The following DLGAP2 variants were observed in gnomAD, a reference collection of about 807,000 sequenced individuals.
DLGAP2 encodes disks large-associated protein 2.
A neutral mutation model predicts 100.3 loss-of-function variants in DLGAP2; 26 were observed. That is an observed-to-expected ratio of 0.26 (90% CI 0.19 to 0.36). The LOEUF is 0.36. DLGAP2 is among the 10% of genes least tolerant of loss of function. The pLI is 1.00. For missense variants in DLGAP2, 1,858 were observed against 1,453.2 expected (o/e 1.28, Z -4.53); for synonymous variants, 886 against 630.1 (o/e 1.41, Z -6.08).
intron 3 of DLGAP2, among the ~76,000 whole-genome samples, chr8:1,338,809 G>A (rs1801348641): frequency 6.6e-6 from 1 of 151,336 alleles, no homozygotes; most frequent in South Asian, 2.1e-4. Flanking sequence ...ACCTGGGAGA[G>A]AATGCAGTGA....
At chr8:1,241,559 T>G (rs1798797190) in intron 2 of DLGAP2, among the ~76,000 whole-genome samples, 1 of 152,252 alleles carries the variant, frequency 6.6e-6, no homozygotes. Flanking sequence ...ATGGGGGCCT[T>G]TGATCCAGTT....
At chr8:1,434,167 C>T (rs906814439) in intron 3 of DLGAP2, among the ~76,000 whole-genome samples, 1 of 152,126 alleles carries the variant, frequency 6.6e-6, no homozygotes, top group Non-Finnish European at 1.5e-5. Flanking sequence ...ATATGACCGT[C>T]AGCAGCTCAG....
In DLGAP2 at chr8:1,180,810, C is replaced by A. The variant is rs182758559; in HGVS notation, c.74-78041C>A. On this transcript the variant is annotated intron_variant, in intron 2 of 14. Coordinates refer to ENST00000637795, the MANE Select transcript of DLGAP2 (RefSeq NM_001346810.2). ...TGGGTGTGCAAGGGCAGTACACTTA[C>A]CGTTGAGTGTGTGTGGTGCACGTCC... is the stretch of plus-strand genomic sequence containing the variant. Among the ~76,000 whole-genome samples, 143 of 151,612 alleles carry A rather than the reference C, an allele frequency of 9.4e-4. 1 individual carries two copies. In the Middle Eastern group the frequency reaches 0.021, roughly 22 times the overall value.
rs149896316 is a variant in DLGAP2 at position 1,051,149 on chromosome 8, C to G, written c.73+143183C>G. On this transcript the variant is annotated intron_variant, in intron 2 of 14. Transcript: ENST00000637795. ...TGATGGCCCTGGATGGGACAGGGCA[C>G]AAGGGGAGCAGCTTCTTCCTGGGCA... Among the ~76,000 whole-genome samples the G allele has an allele frequency of 6.7e-3, 1,017 of 151,924 alleles. 11 individuals carry two copies. The highest frequency in any genetic ancestry group is 9.6e-3 in the Non-Finnish European group (654 of 67,962).
chr8:780,527 G>T (rs914058839), intron 1 of DLGAP2, among the ~76,000 whole-genome samples: 3 of 152,134 alleles, frequency 2.0e-5, no homozygotes, highest in Non-Finnish European at 4.4e-5. Flanking sequence ...CTCTACTTTG[G>T]TTTTTCAGGG....
intron 2 of DLGAP2, among the ~76,000 whole-genome samples, chr8:1,132,273 A>G (rs949197606): frequency 1.3e-5 from 2 of 152,314 alleles, no homozygotes; most frequent in African/African-American, 4.8e-5. Flanking sequence ...TTTTATTGCA[A>G]AATCTCTTCT....
intron 4 of DLGAP2, among the ~76,000 whole-genome samples, chr8:1,511,279 T>TAGATGACCA (rs1221728070): frequency 6.6e-6 from 1 of 151,274 alleles, no homozygotes; most frequent in East Asian, 2.0e-4. Flanking sequence ...GGACAATCAG[T>TAGATGACCA]AGATGACCAT....
intron 1 of DLGAP2, among the ~76,000 whole-genome samples, chr8:825,666 A>G (rs193291741): frequency 6.6e-6 from 1 of 152,074 alleles, no homozygotes; most frequent in South Asian, 2.1e-4. Context: ...TCAATGAACC[A>G]GATTTTGGTC....
intron 2 of DLGAP2, among the ~76,000 whole-genome samples, chr8:1,188,332 C>T (rs1264939125): frequency 3.0e-5 from 4 of 135,262 alleles, no homozygotes; most frequent in African/African-American, 9.1e-5. Context: ...GTTTCCCTCA[C>T]GGAATCTCAC....
chr8:1,156,232 G>C (rs898346565), intron 2 of DLGAP2, among the ~76,000 whole-genome samples: 1 of 152,142 alleles, frequency 6.6e-6, no homozygotes, highest in Admixed American at 6.5e-5. Context: ...CAATGAACCT[G>C]AAACCCAGGA....
chr8:1,577,348 C>G (rs1253266935), intron 6 of DLGAP2, among the ~76,000 whole-genome samples: 1 of 152,108 alleles, frequency 6.6e-6, no homozygotes, highest in Non-Finnish European at 1.5e-5. Flanking sequence ...GTGGGCAGAT[C>G]AACTGAGGTC....
intron 13 of DLGAP2, among the ~76,000 whole-genome samples, chr8:1,693,619 T>C (rs1444428343): frequency 2.0e-5 from 3 of 152,178 alleles, no homozygotes; most frequent in African/African-American, 4.8e-5. Flanking sequence ...AAGAATATTC[T>C]TACACATCAA....
chr8:782,332 A>C (rs1821714346), intron 1 of DLGAP2, among the ~76,000 whole-genome samples: 1 of 152,088 alleles, frequency 6.6e-6, no homozygotes, highest in Non-Finnish European at 1.5e-5. Context: ...TTTTAGCTTG[A>C]TTTTTTTAAA....
At chr8:1,642,074 T>C (rs1312963628) in intron 8 of DLGAP2, among the ~76,000 whole-genome samples, 2 of 18,860 alleles carry the variant, frequency 1.1e-4, no homozygotes, top group African/African-American at 1.5e-3. Context: ...CCGCCGGCCC[T>C]CACCTGTGTC....
At chr8:1,255,240 C>T (rs61720632) in intron 2 of DLGAP2, among the ~76,000 whole-genome samples, 40 of 39,186 alleles carry the variant, frequency 1.0e-3, no homozygotes, top group Admixed American at 1.8e-3. Context: ...TGTGTGTGTG[C>T]CCTCTCATCC....
intron 2 of DLGAP2, among the ~76,000 whole-genome samples, chr8:1,174,290 ATCATCACCACCG>A (rs1797203109): frequency 1.3e-5 from 2 of 151,910 alleles, no homozygotes; most frequent in South Asian, 2.1e-4. Context: ...CATCACCACC[ATCATCACCACCG>A]TCATTACCAT....
At chr8:1,698,962 A>G (rs566058105) in intron 14 of DLGAP2, among the ~76,000 whole-genome samples, 39 of 149,626 alleles carry the variant, frequency 2.6e-4, no homozygotes, top group African/African-American at 7.4e-4. Context: ...GGACAGGTCC[A>G]TGTAAGCCAT....
In DLGAP2 at chr8:1,520,809, G is replaced by A. The variant is rs532570380; in HGVS notation, c.172+19378G>A. Among the ~76,000 whole-genome samples, 4 of 152,288 alleles carry A rather than the reference G, an allele frequency of 2.6e-5. No individual in the cohort carries two copies. The South Asian group carries it at 6.2e-4, about 24-fold the overall frequency. On this transcript the variant is annotated intron_variant, in intron 4 of 14. Coordinates refer to ENST00000637795, the MANE Select transcript of DLGAP2 (RefSeq NM_001346810.2). ...AGTTTGGGCAATTGTGAATAATGTTGCTATACACATCTGTGTGCGGGTTGA... is the reference window on the plus strand; with the variant it reads ...AGTTTGGGCAATTGTGAATAATGTTACTATACACATCTGTGTGCGGGTTGA...
Position 1,106,758 on chromosome 8 carries a change from A to G in DLGAP2, c.74-152093A>G, listed in dbSNP as rs188770992. On this transcript the variant is annotated intron_variant, in intron 2 of 14. Coordinates refer to ENST00000637795, the MANE Select transcript of DLGAP2 (RefSeq NM_001346810.2). The stretch of plus-strand genomic sequence containing the variant: ...TCTAGGAGGGTTTTCTATTGAAGGG[A>G]GCCATTCTAGGAGGGTTTTCTATTG... Among the ~76,000 whole-genome samples, 408 of 145,640 alleles carry G rather than the reference A, an allele frequency of 2.8e-3. 8 individuals are homozygous for G. The highest frequency in any genetic ancestry group is 4.0e-3 in the Non-Finnish European group (259 of 65,424).
Sources: gnomAD v4.1 joint callset for allele counts (sites outside exome capture counted in the v4.1 genomes callset) on GRCh38, gnomAD v4.1.1 for gene constraint, MANE v1.5 for transcripts, NCBI Gene and HGNC (gene_info 2026-07-23, HGNC 2026-07-21) for gene names.